PTPRB: variants seen among roughly 807,000 people sequenced by gnomAD.
PTPRB encodes the protein protein tyrosine phosphatase receptor type B.
Under a neutral mutation model 238.1 loss-of-function variants are expected in PTPRB, and 97 were observed. The ratio of observed to expected loss-of-function variants is 0.41; its 90% CI spans 0.35 to 0.48. The LOEUF is 0.48. Among genes scored for constraint, PTPRB ranks in the 20% least tolerant of loss-of-function variants. PTPRB has a pLI of 0.30. For synonymous variants in PTPRB, 970 were observed against 995.4 expected (o/e 0.97, Z 0.48); for missense variants, 2,292 against 2,681.9 (o/e 0.85, Z 3.21).
intron 4 of PTPRB, 79 bp from the exon 5 acceptor site, chr12:70,596,406 T>G (rs1883036087): frequency 3.1e-6 from 4 of 1,283,976 alleles, no homozygotes; most frequent in South Asian, 5.4e-5. Context: ...TTGAAGACTT[T>G]TGCAAATAAC....
chr12:70,559,994 A>G (rs12319932), intron 17 of PTPRB, among the ~76,000 whole-genome samples: 74,002 of 151,438 alleles, frequency 0.49, 19,937 homozygotes, highest in African/African-American at 0.73. Flanking sequence ...CCACCACTAC[A>G]CCTGGCTAAT....
At chr12:70,565,202 T>C (rs1405012688) in intron 15 of PTPRB, among the ~76,000 whole-genome samples, 1 of 152,216 alleles carries the variant, frequency 6.6e-6, no homozygotes, top group Non-Finnish European at 1.5e-5. Flanking sequence ...ATTTATCTTT[T>C]TAAAGATACA....
intron 11 of PTPRB, 53 bp from the exon 12 acceptor site, chr12:70,572,140 TGATCA>T (rs1392990552): frequency 1.4e-6 from 2 of 1,455,046 alleles, no homozygotes; most frequent in Non-Finnish European, 1.9e-6. Context: ...AGTGAGTAAT[TGATCA>T]CAGATGACAA....
Position 70,587,113 on chromosome 12 carries a change from G to C in PTPRB, c.2205C>G (p.Ala735=), listed in dbSNP as rs140052793. The part of the protein sequence containing the change: ...LLIHKSLSKD[A]KEFTFTDLVP... ...CCAGGTCAGTAAAAGTGAATTCTTT[G>C]GCATCTTTGGAGAGTGACTTGTGGA... is the stretch of plus-strand genomic sequence containing the variant. The change falls in exon 9 of 34, where the codon GCC becomes GCG. Residue 735 remains alanine, a synonymous_variant. Transcript: ENST00000334414. The C allele has an allele frequency of 5.6e-5, 90 of 1,613,860 alleles. No individual in the cohort carries two copies. In the African/African-American group the frequency reaches 1.2e-3, roughly 21 times the overall value.
intron 2 of PTPRB, among the ~76,000 whole-genome samples, chr12:70,623,299 G>C (rs1885029050): frequency 6.6e-6 from 1 of 152,110 alleles, no homozygotes; most frequent in African/African-American, 2.4e-5. Context: ...TTATGAGCTG[G>C]TGGGATTAAC....
chr12:70,596,435 C>A, intron 4 of PTPRB, 108 bp from the exon 5 acceptor site: 1 of 1,124,934 alleles, frequency 8.9e-7, no homozygotes, highest in Non-Finnish European at 1.1e-6. Flanking sequence ...TTACTGCAGT[C>A]CAGGTTCATT....
chr12:70,596,858 T>C (rs1883069820), intron 4 of PTPRB, among the ~76,000 whole-genome samples: 1 of 152,040 alleles, frequency 6.6e-6, no homozygotes, highest in Non-Finnish European at 1.5e-5. Flanking sequence ...ATTATAAACC[T>C]AGGATAGGGT....
intron 13 of PTPRB, 133 bp from the exon 14 acceptor site, chr12:70,570,071 G>T: frequency 1.2e-6 from 1 of 865,656 alleles, no homozygotes; most frequent in Non-Finnish European, 1.7e-6. Context: ...GTAACAATTT[G>T]CCACTTTTCT....
At chr12:70,531,972 A>AT (rs1389776828) in intron 32 of PTPRB, 63 bp downstream of exon 32, 68 of 1,595,282 alleles carry the variant, frequency 4.3e-5, no homozygotes, top group South Asian at 2.0e-4. Flanking sequence ...GGTCCTGGAT[A>AT]TTTTTTTGTG....
At chr12:70,588,404 C>T (rs369776285) in intron 8 of PTPRB, among the ~76,000 whole-genome samples, 2 of 152,020 alleles carry the variant, frequency 1.3e-5, no homozygotes, top group African/African-American at 4.8e-5. Context: ...GAGGTTGAGG[C>T]GGGTGGATCA....
chr12:70,598,759 C>A (rs1883238412), intron 4 of PTPRB, among the ~76,000 whole-genome samples: 1 of 152,110 alleles, frequency 6.6e-6, no homozygotes, highest in South Asian at 2.1e-4. Flanking sequence ...CATGTACTAT[C>A]AAGCCAGATA....
intron 31 of PTPRB, 62 bp from the exon 32 acceptor site, chr12:70,532,232 C>A: frequency 1.3e-6 from 2 of 1,493,142 alleles, no homozygotes; most frequent in Non-Finnish European, 1.8e-6. Context: ...AAGATTGCAT[C>A]TAGAGACTCT....
chr12:70,631,653 T>C (rs901224594), intron 2 of PTPRB, among the ~76,000 whole-genome samples: 1 of 152,052 alleles, frequency 6.6e-6, no homozygotes, highest in Non-Finnish European at 1.5e-5. Flanking sequence ...ACCTACAGAA[T>C]GGGAGAAAAT....
Position 70,576,373 on chromosome 12 carries a change from C to A in PTPRB, c.2842+9G>T, listed in dbSNP as rs559214623. ...TCTTACGGAGCCCTGAACCTTCATACAGCCTTACCTGTCCGCTCTTGGCTG... is the reference window on the plus strand; with the variant it reads ...TCTTACGGAGCCCTGAACCTTCATAAAGCCTTACCTGTCCGCTCTTGGCTG... On this transcript the variant is annotated intron_variant, in intron 11 of 33. Transcript: ENST00000334414. 4.3e-6 allele frequency: 7 copies of A among 1,610,846 alleles called. No homozygotes were observed. In the East Asian group the frequency reaches 1.6e-4, roughly 36 times the overall value.
intron 1 of PTPRB, 30 bp downstream of exon 1, chr12:70,637,311 G>A (rs1885752456): frequency 6.3e-7 from 1 of 1,583,106 alleles, no homozygotes; most frequent in Non-Finnish European, 8.6e-7. Flanking sequence ...TTGAAGAAAT[G>A]CCTCAGGACA....
In PTPRB at chr12:70,562,866, C is replaced by G; in HGVS notation, c.4146G>C (p.Glu1382Asp). The change falls in exon 16 of 34, where the codon GAG (glutamate) becomes GAC (aspartate). Residue 1382 changes from glutamate (E) to aspartate (D), a missense_variant. By Grantham distance (45) the Glu-to-Asp change is conservative. This residue lies in a region of PTPRB where 683 missense variants were observed against 862.0 expected (regional missense o/e 0.79). Transcript: ENST00000334414. ...IVTHSGELSN[E>D]SFIFGRTVPA... ...TACCTGTTCTACCAAATATGAAAGA[C>G]TCATTAGACAGCTCCCCACTGTGAG... 3.1e-6 allele frequency: 5 copies of G among 1,613,980 alleles called. No individual in the cohort carries two copies. Among genetic ancestry groups the G allele is most frequent in the Non-Finnish European group, 4.2e-6 (5 of 1,179,860 alleles).
At chr12:70,620,003 G>T (rs1416692286) in intron 3 of PTPRB, among the ~76,000 whole-genome samples, 1 of 152,182 alleles carries the variant, frequency 6.6e-6, no homozygotes, top group Non-Finnish European at 1.5e-5. Context: ...TCTCAGGGAT[G>T]CTCAGTCTAA....
chr12:70,601,366 G>A (rs1337362821), intron 4 of PTPRB, among the ~76,000 whole-genome samples: 1 of 152,052 alleles, frequency 6.6e-6, no homozygotes, highest in African/African-American at 2.4e-5. Flanking sequence ...TGCCCCATCT[G>A]TCATCTTCAT....
intron 3 of PTPRB, among the ~76,000 whole-genome samples, chr12:70,611,563 G>A (rs1884450098): frequency 6.6e-6 from 1 of 151,982 alleles, no homozygotes; most frequent in Non-Finnish European, 1.5e-5. Flanking sequence ...GCCTCCCAAA[G>A]TGCTGGGATT....
Sources: gnomAD v4.1 joint callset for allele counts (sites outside exome capture counted in the v4.1 genomes callset) on GRCh38, gnomAD v4.1.1 for gene constraint, gnomAD v4.1.1 regional missense constraint, MANE v1.5 for transcripts, NCBI Gene and HGNC (gene_info 2026-07-23, HGNC 2026-07-21) for gene names.